Variants in ADCY7 observed in about 807,000 individuals in gnomAD.
ADCY7 encodes adenylate cyclase type 7.
ADCY7 carries 72 observed loss-of-function variants against 120.6 expected under a neutral mutation model. That is an observed-to-expected ratio of 0.60 (90% CI 0.49 to 0.73). The LOEUF is 0.73. ADCY7 is among the 30% of genes least tolerant of loss of function. ADCY7 has a pLI of 0.00. For synonymous variants in ADCY7, 661 were observed against 628.0 expected, an observed-to-expected ratio of 1.05 and a Z score of -0.78; for missense variants, 1,227 against 1,486.0, an observed-to-expected ratio of 0.83 and a Z score of 2.87.
At chr16:50,290,403 G>A (rs1381720719) in intron 2 of ADCY7, 54 bp from the exon 3 acceptor site, 11 of 1,598,716 alleles carry the variant, frequency 6.9e-6, no homozygotes, top group Non-Finnish European at 8.6e-6. Context: ...TTCTGGAGGA[G>A]GTGGCTCTGC....
At chr16:50,255,128 A>AAAG (rs77961822) in intron 1 of ADCY7, among the ~76,000 whole-genome samples, 2 of 147,456 alleles carry the variant, frequency 1.4e-5, no homozygotes, top group African/African-American at 5.0e-5. Flanking sequence ...TCTACAAAAA[A>AAAG]AAAAAAAAAA....
intron 1 of ADCY7, among the ~76,000 whole-genome samples, chr16:50,276,175 G>C (rs2033877389): frequency 6.6e-6 from 1 of 152,198 alleles, no homozygotes; most frequent in South Asian, 2.1e-4. Flanking sequence ...CTCCCTTGAG[G>C]CCCAACTAGG....
rs1309925430 is a variant in ADCY7 at position 50,297,638 on chromosome 16, C to T, written c.949-1266C>T. On this transcript the variant is annotated intron_variant, in intron 7 of 25. Transcript: ENST00000673801. This position sits in a 1 kb window ranked among gnomAD's most constrained non-coding sequence, Gnocchi z 4.4. ...GGATGGTTCCCAGGCTGGGCAGGTG[C>T]AGGGGACCTGGAGGCAGGGCTGGTG... is the stretch of plus-strand genomic sequence containing the variant. Among the ~76,000 whole-genome samples, 1 of 152,174 alleles carries T rather than the reference C, an allele frequency of 6.6e-6. No homozygotes were observed. The highest frequency in any genetic ancestry group is 1.5e-5 in the Non-Finnish European group (1 of 68,020).
In ADCY7 at chr16:50,308,392, G is replaced by A. The variant is rs763257565; in HGVS notation, c.1916G>A (p.Cys639Tyr). The A allele has an allele frequency of 3.1e-6, 5 of 1,614,114 alleles. No homozygotes were observed. Among genetic ancestry groups the A allele is most frequent in the Non-Finnish European group, 4.2e-6 (5 of 1,180,016 alleles). The change falls in exon 16 of 26, where the codon TGC becomes TAC. Residue 639 changes from cysteine to tyrosine, a missense_variant. By Grantham distance (194) the Cys-to-Tyr change is radical (BLOSUM62 -2). Transcript: ENST00000673801. ...GTACTGGGGCTGGTGCTGGGCCTGT[G>A]CTTTGCCACCAAGTTCTCGGTAAGT... ...ACVLGLVLGLCFATKFSRCCP... is the reference protein window; with the variant it reads ...ACVLGLVLGLYFATKFSRCCP...
At chr16:50,305,007 C>T in intron 12 of ADCY7, 48 bp downstream of exon 12, 2 of 1,609,960 alleles carry the variant, frequency 1.2e-6, no homozygotes, top group Non-Finnish European at 1.7e-6. Flanking sequence ...CCACCTCCTC[C>T]AAGCAGGCTG....
chr16:50,270,385 G>A (rs984483506), intron 1 of ADCY7, among the ~76,000 whole-genome samples: 15 of 152,212 alleles, frequency 9.9e-5, no homozygotes, highest in African/African-American at 1.9e-4. Flanking sequence ...GCTCTGGTCC[G>A]GCGGCACGGG....
chr16:50,249,999 C>A (rs2032707029), intron 1 of ADCY7, among the ~76,000 whole-genome samples: 1 of 152,356 alleles, frequency 6.6e-6, no homozygotes, highest in Non-Finnish European at 1.5e-5. Context: ...GTCCCCTGGG[C>A]TTGAGTCCCA....
At position 50,309,649 on chromosome 16, in the gene ADCY7, G is replaced by A. The variant is rs79097756; in HGVS notation, c.2160+3G>A. On this transcript the variant is annotated splice_donor_region_variant and intron_variant, in intron 18 of 25. Transcript: ENST00000673801. ...GAGCCCTGTGTGAGCCCCTCCCGGT[G>A]AGTGCGCCGGGCCCGGCTCCGTGGC... 2 of 1,607,882 alleles carry A rather than the reference G, an allele frequency of 1.2e-6. No homozygotes were observed. The highest frequency in any genetic ancestry group is 1.7e-6 in the Non-Finnish European group (2 of 1,179,876).
intron 18 of ADCY7, 78 bp downstream of exon 18, chr16:50,309,724 A>G (rs1334242129): frequency 7.8e-7 from 1 of 1,288,792 alleles, no homozygotes; most frequent in Non-Finnish European, 1.1e-6. Flanking sequence ...TGGACCCTCA[A>G]AGCATGGGTG....
At chr16:50,265,657 T>C (rs4578645), upstream of ADCY7, among the ~76,000 whole-genome samples, 152,342 of 152,352 alleles carry the variant, frequency 1, 76,166 homozygotes, top group Non-Finnish European at 1. Flanking sequence ...GGTGCAGGGG[T>C]TAGAAGACCA....
upstream of ADCY7, among the ~76,000 whole-genome samples, chr16:50,266,170 C>G (rs1252510501): frequency 6.6e-6 from 1 of 152,108 alleles, no homozygotes; most frequent in Non-Finnish European, 1.5e-5. Context: ...CCCAGGAAGG[C>G]GCGGGGGGCC....
chr16:50,268,582 T>C (rs2033363319), intron 1 of ADCY7, among the ~76,000 whole-genome samples: 1 of 152,192 alleles, frequency 6.6e-6, no homozygotes, highest in Non-Finnish European at 1.5e-5. Context: ...GCTGTTTTCA[T>C]GAAAGAAGCA....
chr16:50,301,071 G>C lies in ADCY7; in HGVS notation c.1236-11G>C. ...GGCCCCAAGGCTCTGCCTGACTTGG[G>C]TCTCCCGTAGCCGGGTGCACATCAC... On this transcript the variant is annotated splice_polypyrimidine_tract_variant and intron_variant, in intron 9 of 25. Transcript: ENST00000673801. The C allele has an allele frequency of 6.2e-7, 1 of 1,612,414 alleles. No individual in the cohort carries two copies. The highest frequency in any genetic ancestry group is 8.5e-7 in the Non-Finnish European group (1 of 1,179,234).
At position 50,315,468 on chromosome 16, in the gene ADCY7, C is replaced by A; in HGVS notation, c.3206C>A (p.Thr1069Lys). The A allele has an allele frequency of 6.2e-7, 1 of 1,613,634 alleles. No individual in the cohort carries two copies. The highest frequency in any genetic ancestry group is 8.5e-7 in the Non-Finnish European group (1 of 1,179,566). The change falls in exon 26 of 26, where the codon ACG (threonine) becomes AAG (lysine). Residue 1069 changes from threonine to lysine, a missense_variant. Around this residue, in one of 5 missense-constraint regions of ADCY7, gnomAD observed 244 missense variants for 332.8 expected, o/e 0.73. Transcript: ENST00000673801. ...GAGCTGAGGACTTACTTTGTCTGTA[C>A]GGACACTGCCAAGTTTCAGGGGCTG... is the stretch of plus-strand genomic sequence containing the variant. ...KGELRTYFVC[T>K]DTAKFQGLGL...
intron 19 of ADCY7, 78 bp from the exon 20 acceptor site, chr16:50,311,615 C>T (rs548403790): frequency 2.7e-4 from 267 of 996,708 alleles, no homozygotes; most frequent in Non-Finnish European, 3.7e-4. Context: ...CCTGGGTGTG[C>T]GTGGCACCTG....
chr16:50,272,257 C>A (rs558233892), intron 1 of ADCY7, among the ~76,000 whole-genome samples: 9 of 152,118 alleles, frequency 5.9e-5, no homozygotes, highest in African/African-American at 2.2e-4. Context: ...TTCTAGGGCC[C>A]GGATCCCTGG....
intron 8 of ADCY7, 107 bp downstream of exon 8, chr16:50,299,138 C>A: frequency 7.1e-7 from 1 of 1,402,050 alleles, no homozygotes; most frequent in Non-Finnish European, 9.4e-7. Flanking sequence ...AACTGAGGCT[C>A]GGGGGGTTGG....
upstream of ADCY7, among the ~76,000 whole-genome samples, chr16:50,266,014 G>T (rs1444745361): frequency 1.3e-5 from 2 of 152,228 alleles, no homozygotes; most frequent in Non-Finnish European, 2.9e-5. Flanking sequence ...GAGCCCCAAG[G>T]ATGGGCCTGC....
chr16:50,311,854 G>A, intron 20 of ADCY7, 68 bp downstream of exon 20: 1 of 1,344,928 alleles, frequency 7.4e-7, no homozygotes, highest in Middle Eastern at 2.1e-4. Flanking sequence ...TCTGGAGATG[G>A]GGTGGGGTGG....
Sources: allele counts gnomAD v4.1 joint callset (sites outside exome capture counted in the v4.1 genomes callset), GRCh38; gene constraint gnomAD v4.1.1; regional missense constraint gnomAD v4.1.1; non-coding constraint Gnocchi (gnomAD v3.1); transcripts MANE v1.5; gene names NCBI Gene and HGNC (gene_info 2026-07-23, HGNC 2026-07-21).